Variants in DOCK8 observed in about 807,000 individuals in gnomAD.
The protein encoded by DOCK8 is dedicator of cytokinesis 8.
A neutral mutation model predicts 245.6 loss-of-function variants in DOCK8; 141 were observed. That is an observed-to-expected ratio of 0.57 (90% CI 0.50 to 0.66). DOCK8 has a LOEUF of 0.66. Ranked by LOEUF, DOCK8 falls within the 30% of genes least tolerant of loss-of-function variation. The pLI, the probability that DOCK8 is intolerant of heterozygous loss-of-function variation, is 0.00. For missense variants in DOCK8, 2,965 were observed against 2,603.4 expected (o/e 1.14, Z -3.02); for synonymous variants, 1,168 against 970.2 (o/e 1.20, Z -3.79).
chr9:224,312 A>G (rs139005772), intron 1 of DOCK8, among the ~76,000 whole-genome samples: 1 of 152,334 alleles, frequency 6.6e-6, no homozygotes, highest in East Asian at 1.9e-4. Context: ...TTGACCCAAG[A>G]TAAGCAGTTG....
rs1259544872 is a variant in DOCK8, at chr9:247,688, C to T, written c.54-23939C>T. ...AGCTGGGAATACAGGCACCCACCACCACGCCCGGCTAATTTTTTGTATTTT... is the reference window on the plus strand; with the variant it reads ...AGCTGGGAATACAGGCACCCACCACTACGCCCGGCTAATTTTTTGTATTTT... On this transcript the variant is annotated intron_variant, in intron 1 of 47. Transcript: ENST00000432829. Among the ~76,000 whole-genome samples the T allele has an allele frequency of 2.0e-4, 30 of 152,182 alleles. No individual in the cohort carries two copies. In the East Asian group the frequency reaches 4.5e-3, roughly 23 times the overall value.
intron 6 of DOCK8, 143 bp from the exon 7 acceptor site, chr9:316,900 T>C (rs2130745144): frequency 1.4e-6 from 1 of 699,566 alleles, no homozygotes. Flanking sequence ...AGAAACTTTC[T>C]TATAAAAGGC....
In DOCK8 at chr9:396,706, T is replaced by C. The variant is rs992877289; in HGVS notation, c.2971-79T>C. The stretch of plus-strand genomic sequence containing the variant: ...AATCCATTGTTAGAGAGCATTTCTG[T>C]GAGTCTTTCCCCCTTTTCTGCATTG... On this transcript the variant is annotated intron_variant, in intron 24 of 47. Coordinates refer to ENST00000432829, the MANE Select transcript of DOCK8 (RefSeq NM_203447.4). 5.1e-6 allele frequency: 8 copies of C among 1,579,080 alleles called. No individual in the cohort carries two copies. The African/African-American group carries it at 1.1e-4, about 21-fold the overall frequency.
intron 12 of DOCK8, among the ~76,000 whole-genome samples, chr9:337,422 C>G (rs9298948): frequency 6.6e-6 from 1 of 152,024 alleles, no homozygotes; most frequent in Non-Finnish European, 1.5e-5. Flanking sequence ...CTTGTGATAC[C>G]AACTATCCTA....
intron 1 of DOCK8, among the ~76,000 whole-genome samples, chr9:245,232 T>C (rs950004771): frequency 7.2e-5 from 11 of 152,162 alleles, no homozygotes; most frequent in Non-Finnish European, 5.9e-5. Context: ...TGAGATGAAG[T>C]CTCACACTGT....
At chr9:229,581 T>G (rs896729886) in intron 1 of DOCK8, among the ~76,000 whole-genome samples, 1 of 152,124 alleles carries the variant, frequency 6.6e-6, no homozygotes, top group Non-Finnish European at 1.5e-5. Flanking sequence ...AGGCAGGATT[T>G]GAGGCTAAAT....
intron 46 of DOCK8, 75 bp downstream of exon 46, chr9:452,192 C>A: frequency 1.1e-6 from 1 of 944,738 alleles, no homozygotes; most frequent in Non-Finnish European, 1.7e-6. Context: ...GCAGCTTCAG[C>A]ATCACCTGAG....
Position 297,021 on chromosome 9 carries a change from C to T in DOCK8, c.404+7440C>T, listed in dbSNP as rs533531667. Among the ~76,000 whole-genome samples, 8 of 152,264 alleles carry T rather than the reference C, an allele frequency of 5.3e-5. No individual in the cohort carries two copies. The East Asian group carries it at 5.8e-4, about 11-fold the overall frequency. ...TTCAACTTCCTATTCTGGACCTCCT[C>T]GGCTACTCCCTACCCCAAGGCATGG... On this transcript the variant is annotated intron_variant, in intron 4 of 47. Coordinates refer to ENST00000432829, the MANE Select transcript of DOCK8 (RefSeq NM_203447.4).
At chr9:420,813 A>G in intron 31 of DOCK8, 136 bp from the exon 32 acceptor site, 1 of 1,332,566 alleles carries the variant, frequency 7.5e-7, no homozygotes, top group Non-Finnish European at 1.1e-6. Flanking sequence ...GGCCCATAGG[A>G]TGCTCCAGAG....
At position 358,152 on chromosome 9, in the gene DOCK8, A is replaced by G. The variant is rs149429436; in HGVS notation, c.1680-9866A>G. Among the ~76,000 whole-genome samples the G allele has an allele frequency of 6.6e-3, 1,012 of 152,196 alleles. 17 individuals carry two copies. Among genetic ancestry groups the G allele is most frequent in the African/African-American group, 0.023 (973 of 41,536 alleles). On this transcript the variant is annotated intron_variant, in intron 14 of 47. Transcript: ENST00000432829. ...CAGGCTGGAGTGCAGTGGCATGATC[A>G]TAGCTCACTGCAGCCTTGAACTCCT... is the stretch of plus-strand genomic sequence containing the variant.
chr9:277,719 G>A (rs1168919864), intron 2 of DOCK8, among the ~76,000 whole-genome samples: 1 of 152,036 alleles, frequency 6.6e-6, no homozygotes, highest in East Asian at 1.9e-4. Flanking sequence ...GAAGTGAAAT[G>A]GAATGAATTA....
rs114729906 is a variant in DOCK8 at position 215,258 on chromosome 9, T to C, written c.53+229T>C. On this transcript the variant is annotated intron_variant, in intron 1 of 47. Transcript: ENST00000432829. ...TCCTCCCCAAGAATCTCGGTGCTCC[T>C]GGATGTCCTCAGCCGCCGGGGATCC... is the stretch of plus-strand genomic sequence containing the variant. 2.7e-3 allele frequency: 4,340 copies of C among 1,601,034 alleles called. 118 individuals carry two copies. The African/African-American group carries it at 0.053, about 19-fold the overall frequency.
intron 1 of DOCK8, among the ~76,000 whole-genome samples, chr9:226,137 A>G (rs1426603552): frequency 6.6e-6 from 1 of 152,234 alleles, no homozygotes; most frequent in East Asian, 1.9e-4. Flanking sequence ...ACAGTTCCAC[A>G]TGGCTGGGGA....
chr9:268,253 T>C (rs1195534855), intron 1 of DOCK8: 4 of 152,240 alleles, frequency 2.6e-5, no homozygotes, highest in Admixed American at 6.5e-5. Context: ...ACAGGTTTAA[T>C]TGCCTTCTGT....
chr9:386,531 C>G, intron 23 of DOCK8, 105 bp downstream of exon 23: 2 of 928,908 alleles, frequency 2.2e-6, no homozygotes, highest in Non-Finnish European at 3.4e-6. Context: ...CCCTGCCTGT[C>G]CCTGATGTGC....
intron 9 of DOCK8, among the ~76,000 whole-genome samples, chr9:330,130 T>G (rs2050942305): frequency 6.6e-6 from 1 of 152,204 alleles, no homozygotes; most frequent in South Asian, 2.1e-4. Context: ...ATCATCTAGT[T>G]CAGGTGTTGC....
chr9:218,894 C>G (rs2046822704), intron 1 of DOCK8, among the ~76,000 whole-genome samples: 1 of 152,110 alleles, frequency 6.6e-6, no homozygotes, highest in South Asian at 2.1e-4. Flanking sequence ...AACTCATTCA[C>G]CTCTATGAGA....
intron 5 of DOCK8, among the ~76,000 whole-genome samples, chr9:310,620 A>G (rs1012728743): frequency 2.0e-5 from 3 of 152,106 alleles, no homozygotes; most frequent in Non-Finnish European, 2.9e-5. Context: ...CACCATGCCC[A>G]GCTAATTGTT....
intron 1 of DOCK8, among the ~76,000 whole-genome samples, chr9:252,327 C>T (rs2047669634): frequency 6.6e-6 from 1 of 152,002 alleles, no homozygotes; most frequent in South Asian, 2.1e-4. Flanking sequence ...CTCTGTGTGT[C>T]TGTGTCTCTG....
Sources: allele counts gnomAD v4.1 joint callset (sites outside exome capture counted in the v4.1 genomes callset), GRCh38; gene constraint gnomAD v4.1.1; transcripts MANE v1.5; gene names NCBI Gene and HGNC (gene_info 2026-07-23, HGNC 2026-07-21).